The following B3GALT1 variants were observed in gnomAD, a reference collection of about 807,000 sequenced individuals.
B3GALT1 encodes the protein beta-1,3-galactosyltransferase 1, also known as UDP-Gal:betaGlcNAc beta 1,3-galactosyltransferase, polypeptide 1.
A neutral mutation model predicts 23.2 loss-of-function variants in B3GALT1; 10 were observed. The ratio of observed to expected loss-of-function variants is 0.43; its 90% CI spans 0.27 to 0.73. B3GALT1 has a LOEUF of 0.73. B3GALT1 is among the 30% of genes least tolerant of loss of function. The pLI, the probability that B3GALT1 is intolerant of heterozygous loss-of-function variation, is 0.21. For synonymous variants in B3GALT1, 156 were observed against 141.5 expected (o/e 1.10, Z -0.73); for missense variants, 299 against 405.4 (o/e 0.74, Z 2.25).
chr2:167,359,758 G>T (rs536616556), intron 1 of B3GALT1, among the ~76,000 whole-genome samples: 59 of 108,336 alleles, frequency 5.4e-4, no homozygotes, highest in African/African-American at 1.6e-3. Context: ...TACAGGCTTT[G>T]CCCTTCATCT....
At chr2:167,727,692 C>G (rs753851096) in intron 3 of B3GALT1, among the ~76,000 whole-genome samples, 1 of 152,116 alleles carries the variant, frequency 6.6e-6, no homozygotes, top group African/African-American at 2.4e-5. Flanking sequence ...ACATTCCATC[C>G]TACGGCAGAA....
At chr2:167,317,329 A>T (rs1417318926) in intron 1 of B3GALT1, among the ~76,000 whole-genome samples, 1 of 152,126 alleles carries the variant, frequency 6.6e-6, no homozygotes, top group Admixed American at 6.5e-5. Context: ...GAAGGGAATC[A>T]TGTGCAAATG....
intron 2 of B3GALT1, among the ~76,000 whole-genome samples, chr2:167,563,140 G>T (rs1311832437): frequency 2.0e-5 from 3 of 151,910 alleles, no homozygotes; most frequent in African/African-American, 7.3e-5. Flanking sequence ...TTGTCATCAT[G>T]GCCCGGTCTC....
At position 167,363,978 on chromosome 2, in the gene B3GALT1, G is replaced by A. The variant is rs149236428; in HGVS notation, c.-511+70644G>A. Among the ~76,000 whole-genome samples the A allele has an allele frequency of 9.6e-3, 1,454 of 151,980 alleles. 76 individuals carry two copies. Among genetic ancestry groups the A allele is most frequent in the Admixed American group, 0.079 (1,202 of 15,274 alleles). On this transcript the variant is annotated intron_variant, in intron 1 of 4. Coordinates refer to ENST00000392690, the MANE Select transcript of B3GALT1 (RefSeq NM_020981.4). Reference sequence around the variant, plus strand: ...GTTCAAGACCAGCCTGGCCAACATGGTGAAACCCCGTCTCTACTAAAAACA... The same window carrying A: ...GTTCAAGACCAGCCTGGCCAACATGATGAAACCCCGTCTCTACTAAAAACA...
chr2:167,643,474 G>GA (rs1456979997), intron 2 of B3GALT1, among the ~76,000 whole-genome samples: 2 of 152,044 alleles, frequency 1.3e-5, no homozygotes, highest in East Asian at 1.9e-4. Context: ...GGAAAGAAAA[G>GA]AAAAAATGTG....
chr2:167,758,136 T>C (rs1687845176), intron 3 of B3GALT1, among the ~76,000 whole-genome samples: 1 of 152,166 alleles, frequency 6.6e-6, no homozygotes, highest in Admixed American at 6.6e-5. Context: ...TTTTCTTTCC[T>C]CTCCTTTCCC....
intron 2 of B3GALT1, among the ~76,000 whole-genome samples, chr2:167,529,393 C>T (rs1203290208): frequency 6.6e-6 from 1 of 151,692 alleles, no homozygotes; most frequent in Non-Finnish European, 1.5e-5. Context: ...ACTTGCAGCC[C>T]AAACCTCTAC....
chr2:167,557,445 T>A (rs1168478315), intron 2 of B3GALT1, among the ~76,000 whole-genome samples: 1 of 152,216 alleles, frequency 6.6e-6, no homozygotes, highest in East Asian at 1.9e-4. Flanking sequence ...TTATTTAATA[T>A]CTAAAGTGTT....
chr2:167,632,056 C>G (rs1351581561), intron 2 of B3GALT1, among the ~76,000 whole-genome samples: 1 of 151,582 alleles, frequency 6.6e-6, no homozygotes, highest in Non-Finnish European at 1.5e-5. Context: ...TCGGTTTTCT[C>G]TTCCCGTGTT....
At chr2:167,393,226 T>G (rs572477207) in intron 1 of B3GALT1, among the ~76,000 whole-genome samples, 143 of 146,192 alleles carry the variant, frequency 9.8e-4, no homozygotes, top group African/African-American at 3.4e-3. Context: ...AGAGCGAGAC[T>G]CCGTCTCAAA....
chr2:167,832,930 G>T (rs1276015378), intron 4 of B3GALT1, among the ~76,000 whole-genome samples: 1 of 152,216 alleles, frequency 6.6e-6, no homozygotes, highest in African/African-American at 2.4e-5. Context: ...GGCACCATTA[G>T]AGGTGACAGC....
intron 2 of B3GALT1, among the ~76,000 whole-genome samples, chr2:167,521,314 T>G (rs1700184122): frequency 6.6e-6 from 1 of 152,146 alleles, no homozygotes; most frequent in Non-Finnish European, 1.5e-5. Context: ...TTTTTTGTAG[T>G]GCAAAAAGTA....
At chr2:167,304,346 C>A (rs929192489) in intron 1 of B3GALT1, among the ~76,000 whole-genome samples, 2 of 152,142 alleles carry the variant, frequency 1.3e-5, no homozygotes, top group African/African-American at 2.4e-5. Context: ...TACAGAGTCC[C>A]TTAGCTCTTT....
intron 1 of B3GALT1, among the ~76,000 whole-genome samples, chr2:167,480,807 T>C (rs571678306): frequency 7.9e-5 from 12 of 152,110 alleles, no homozygotes; most frequent in Non-Finnish European, 1.8e-4. Flanking sequence ...TTTGGGAAGT[T>C]TCTATCACCC....
chr2:167,455,978 A>G (rs1010321803), intron 1 of B3GALT1, among the ~76,000 whole-genome samples: 42 of 152,304 alleles, frequency 2.8e-4, no homozygotes, highest in African/African-American at 9.4e-4. Flanking sequence ...CAGTTGAGGG[A>G]AGTGACCTTC....
chr2:167,512,650 A>ATATT (rs1558887986), intron 2 of B3GALT1, among the ~76,000 whole-genome samples: 3 of 119,636 alleles, frequency 2.5e-5, no homozygotes, highest in Admixed American at 9.1e-5. Flanking sequence ...ATATATATAT[A>ATATT]TTTTGAGATA....
intron 3 of B3GALT1, among the ~76,000 whole-genome samples, chr2:167,779,382 AG>A (rs1301245803): frequency 6.6e-6 from 1 of 152,230 alleles, no homozygotes; most frequent in Non-Finnish European, 1.5e-5. Flanking sequence ...GAAATGTCTC[AG>A]GCTGGTAAAT....
intron 4 of B3GALT1, among the ~76,000 whole-genome samples, chr2:167,822,471 A>G (rs975773506): frequency 6.6e-6 from 1 of 152,176 alleles, no homozygotes; most frequent in Admixed American, 6.5e-5. Flanking sequence ...TCTTCACATT[A>G]GGGACCAAGA....
chr2:167,531,761 A>G (rs1456156213), intron 2 of B3GALT1, among the ~76,000 whole-genome samples: 1 of 152,180 alleles, frequency 6.6e-6, no homozygotes, highest in Admixed American at 6.5e-5. Context: ...ACTTTTAACT[A>G]TTATGACAAT....
Sources: allele counts gnomAD v4.1 joint callset (sites outside exome capture counted in the v4.1 genomes callset), GRCh38; gene constraint gnomAD v4.1.1; transcripts MANE v1.5; gene names NCBI Gene and HGNC (gene_info 2026-07-23, HGNC 2026-07-21).